Variants in PCDH11Y observed in about 807,000 individuals in gnomAD.
PCDH11Y encodes protocadherin 11 Y-linked, also known as protocadherin-11 Y-linked.
For synonymous variants in PCDH11Y, 9 were observed against 83.6 expected (o/e 0.11, Z 4.87); for missense variants, 12 against 224.8 (o/e 0.05, Z 6.05).
At chrY:5,295,535 C>T (rs2053072776) in intron 2 of PCDH11Y, among the ~76,000 whole-genome samples, 50 of 32,165 alleles carry the variant, frequency 1.6e-3, no homozygotes, top group African/African-American at 5.7e-3. Context: ...CACCACCACA[C>T]GCAGCTAATT....
At chrY:5,387,305 C>T (rs4030055) in intron 2 of PCDH11Y, among the ~76,000 whole-genome samples, 2 of 33,773 alleles carry the variant, frequency 5.9e-5, no homozygotes, top group East Asian at 8.0e-4. Flanking sequence ...GGATTACAGG[C>T]GTGAGCCACC....
intron 2 of PCDH11Y, among the ~76,000 whole-genome samples, chrY:5,434,780 A>G: frequency 6.0e-5 from 2 of 33,401 alleles, no homozygotes; most frequent in Non-Finnish European, 1.5e-4. Flanking sequence ...GTATACTCAC[A>G]TTAATTAAAG....
At chrY:5,563,438 T>A (rs2053431268) in intron 3 of PCDH11Y, among the ~76,000 whole-genome samples, 1 of 33,533 alleles carries the variant, frequency 3.0e-5, no homozygotes, top group Non-Finnish European at 7.4e-5. Context: ...TGGAACAGTA[T>A]AATTGTATAA....
At chrY:5,616,782 A>G in intron 4 of PCDH11Y, among the ~76,000 whole-genome samples, 3 of 32,954 alleles carry the variant, frequency 9.1e-5, no homozygotes, top group African/African-American at 3.5e-4. Flanking sequence ...AGTATAAGAT[A>G]AATGTAAGTG....
intron 4 of PCDH11Y, among the ~76,000 whole-genome samples, chrY:5,679,631 A>G (rs1602959169): frequency 3.0e-5 from 1 of 32,841 alleles, no homozygotes; most frequent in East Asian, 8.4e-4. Flanking sequence ...TTAAAGAAAC[A>G]TTGTTTTCTA....
chrY:5,217,543 A>G (rs2124652006), intron 2 of PCDH11Y, among the ~76,000 whole-genome samples: 1 of 33,046 alleles, frequency 3.0e-5, no homozygotes, highest in African/African-American at 1.2e-4. Flanking sequence ...TTTGAATTAA[A>G]TAATTTTTCC....
chrY:5,313,279 G>A, intron 2 of PCDH11Y, among the ~76,000 whole-genome samples: 3 of 33,459 alleles, frequency 9.0e-5, no homozygotes, highest in Non-Finnish European at 2.2e-4. Flanking sequence ...AAATAAGAAC[G>A]CCCAAATAGG....
chrY:5,509,298 C>T (rs2053362010), intron 3 of PCDH11Y, among the ~76,000 whole-genome samples: 2 of 32,075 alleles, frequency 6.2e-5, no homozygotes, highest in South Asian at 1.4e-3. Flanking sequence ...CCTGAAAGAG[C>T]ATTTGGAGCA....
At chrY:5,205,685 G>T in intron 2 of PCDH11Y, among the ~76,000 whole-genome samples, 1 of 26,447 alleles carries the variant, frequency 3.8e-5, no homozygotes, top group Non-Finnish European at 8.5e-5. Context: ...TATATATAGT[G>T]AGCAAGATTT....
At chrY:5,061,008 A>G (rs2052674488) in intron 1 of PCDH11Y, among the ~76,000 whole-genome samples, 1 of 31,963 alleles carries the variant, frequency 3.1e-5, no homozygotes, top group African/African-American at 1.2e-4. Flanking sequence ...CTCTGTCTCC[A>G]AAAAAAATAA....
At chrY:5,452,634 T>G in intron 2 of PCDH11Y, among the ~76,000 whole-genome samples, 1 of 34,005 alleles carries the variant, frequency 2.9e-5, no homozygotes, top group African/African-American at 1.2e-4. Flanking sequence ...TTTCACCACA[T>G]AATACTGTTT....
chrY:5,535,705 T>C, intron 3 of PCDH11Y, among the ~76,000 whole-genome samples: 1 of 33,091 alleles, frequency 3.0e-5, no homozygotes, highest in Non-Finnish European at 7.4e-5. Flanking sequence ...CATGTGCAAG[T>C]ATTTTTTTCG....
At chrY:5,708,841 G>T (rs2053584560) in intron 4 of PCDH11Y, among the ~76,000 whole-genome samples, 1 of 32,274 alleles carries the variant, frequency 3.1e-5, no homozygotes, top group Non-Finnish European at 7.5e-5. Context: ...AGGTAACTTT[G>T]AGAGACATTT....
intron 2 of PCDH11Y, among the ~76,000 whole-genome samples, chrY:5,216,236 AT>A (rs2052946171): frequency 7.9e-5 from 2 of 25,446 alleles, no homozygotes; most frequent in Non-Finnish European, 1.9e-4. Context: ...TGTTGTTTCA[AT>A]TTTTTTTTTA....
At chrY:5,535,838 A>T (rs2124692193) in intron 3 of PCDH11Y, among the ~76,000 whole-genome samples, 27 of 33,635 alleles carry the variant, frequency 8.0e-4, no homozygotes, top group African/African-American at 3.1e-3. Flanking sequence ...GTACTAGTTT[A>T]CACTCCCACC....
intron 4 of PCDH11Y, among the ~76,000 whole-genome samples, chrY:5,736,430 A>G: frequency 3.0e-5 from 1 of 33,171 alleles, no homozygotes; most frequent in Non-Finnish European, 7.4e-5. Flanking sequence ...AGGTGCATAC[A>G]CACAGGATTG....
chrY:5,234,138 C>A (rs2052971817), intron 2 of PCDH11Y, among the ~76,000 whole-genome samples: 1 of 29,490 alleles, frequency 3.4e-5, no homozygotes, highest in Non-Finnish European at 8.0e-5. Flanking sequence ...GAATTGCTTT[C>A]AGAAAGATTT....
chrY:5,319,886 C>A, intron 2 of PCDH11Y, among the ~76,000 whole-genome samples: 1 of 32,859 alleles, frequency 3.0e-5, no homozygotes, highest in Admixed American at 2.9e-4. Context: ...AATTCTATTC[C>A]TAATATTATG....
At chrY:5,132,103 T>C (rs2052834878) in intron 2 of PCDH11Y, among the ~76,000 whole-genome samples, 2 of 33,097 alleles carry the variant, frequency 6.0e-5, no homozygotes, top group African/African-American at 1.2e-4. Flanking sequence ...TTCCCTGTTT[T>C]GTAACACCTG....
Sources: gnomAD v4.1 joint callset for allele counts (sites outside exome capture counted in the v4.1 genomes callset) on GRCh38, gnomAD v4.1.1 for gene constraint, MANE v1.5 for transcripts, NCBI Gene and HGNC (gene_info 2026-07-23, HGNC 2026-07-21) for gene names.